The following TBC1D32 variants were observed in gnomAD, a reference collection of about 807,000 sequenced individuals.
TBC1D32 encodes the protein protein broad-minded.
A neutral mutation model predicts 170.3 loss-of-function variants in TBC1D32; 151 were observed. The observed-to-expected ratio is 0.89, with a 90% confidence interval of 0.78 to 1.01. The LOEUF (loss-of-function observed/expected upper bound fraction) is 1.01. Ranked by LOEUF, TBC1D32 falls within the 50% of genes least tolerant of loss-of-function variation. The pLI is 0.00. For synonymous variants in TBC1D32, 498 were observed against 488.0 expected (o/e 1.02, Z -0.27); for missense variants, 1,464 against 1,457.1 (o/e 1.00, Z -0.08).
chr6:121,112,267 T>C lies in TBC1D32; in HGVS notation c.3324+238A>G, dbSNP rs1487117706. 1.4e-5 allele frequency: 4 copies of C among 277,774 alleles called. No individual in the cohort carries two copies. The Admixed American group carries it at 2.1e-4, about 14-fold the overall frequency. 17.2% of individuals were successfully genotyped at this position (277,774 alleles called of 1,614,324 possible). A position where few individuals can be genotyped will look rare whatever the true frequency, so the allele number is the denominator to read the frequency against. On this transcript the variant is annotated intron_variant, in intron 29 of 31. Coordinates refer to ENST00000398212, the MANE Select transcript of TBC1D32 (RefSeq NM_152730.6). ...ATCATTTTAATTTCATTATCATGTT[T>C]CTACTTCATGAAAATGCTTCTAATA...
intron 22 of TBC1D32, among the ~76,000 whole-genome samples, chr6:121,168,589 C>T (rs1233966674): frequency 4.2e-5 from 5 of 118,374 alleles, no homozygotes; most frequent in African/African-American, 1.2e-4. Flanking sequence ...GGAGGGATAG[C>T]ATTGGGAGAT....
At chr6:121,178,488 T>C (rs1199504165) in intron 22 of TBC1D32, among the ~76,000 whole-genome samples, 3 of 152,174 alleles carry the variant, frequency 2.0e-5, no homozygotes, top group Admixed American at 2.0e-4. Flanking sequence ...TAAAAAGCTA[T>C]AGCAATAATT....
At chr6:121,109,298 C>G (rs1778988216) in intron 29 of TBC1D32, among the ~76,000 whole-genome samples, 1 of 152,176 alleles carries the variant, frequency 6.6e-6, no homozygotes, top group African/African-American at 2.4e-5. Flanking sequence ...GATTACCCTA[C>G]ATTATAACTA....
At chr6:121,182,780 C>T (rs978133334) in intron 22 of TBC1D32, among the ~76,000 whole-genome samples, 1 of 151,354 alleles carries the variant, frequency 6.6e-6, no homozygotes, top group Non-Finnish European at 1.5e-5. Flanking sequence ...TTTTTGTTGG[C>T]CCCAACCCAA....
At chr6:121,144,109 T>C (rs1228823779) in intron 24 of TBC1D32, among the ~76,000 whole-genome samples, 1 of 152,162 alleles carries the variant, frequency 6.6e-6, no homozygotes, top group African/African-American at 2.4e-5. Flanking sequence ...TTGGGAATAA[T>C]GTCTTATTCA....
intron 17 of TBC1D32, among the ~76,000 whole-genome samples, chr6:121,244,493 G>A (rs1458861045): frequency 6.6e-6 from 1 of 152,094 alleles, no homozygotes; most frequent in Non-Finnish European, 1.5e-5. Context: ...ACCTGCTGTG[G>A]GGGTGGTTTT....
intron 22 of TBC1D32, among the ~76,000 whole-genome samples, chr6:121,186,496 A>G (rs6903467): frequency 0.081 from 12,332 of 152,124 alleles, 830 homozygotes; most frequent in African/African-American, 0.18. Context: ...TTTGAATTAC[A>G]AGAGAAAACA....
rs185501564 is a variant in TBC1D32, at chr6:121,112,220, G to A, written c.3324+285C>T. Among the ~76,000 whole-genome samples, 64 of 152,092 alleles carry A rather than the reference G, an allele frequency of 4.2e-4. No individual in the cohort carries two copies. In the East Asian group the frequency reaches 0.012, roughly 28 times the overall value. ...CAAGTCAATAGTTCTCTTTTTAGGT[G>A]CAGAATTTAACTGATATAACTATCA... On this transcript the variant is annotated intron_variant, in intron 29 of 31. Coordinates refer to ENST00000398212, the MANE Select transcript of TBC1D32 (RefSeq NM_152730.6).
At chr6:121,182,125 G>A (rs1484296267) in intron 22 of TBC1D32, among the ~76,000 whole-genome samples, 1 of 151,892 alleles carries the variant, frequency 6.6e-6, no homozygotes, top group Non-Finnish European at 1.5e-5. Context: ...AACCAAAGAA[G>A]TAAACATCAT....
intron 31 of TBC1D32, among the ~76,000 whole-genome samples, chr6:121,085,298 T>C (rs1225334327): frequency 3.4e-5 from 5 of 145,468 alleles, no homozygotes; most frequent in South Asian, 2.1e-4. Flanking sequence ...CATATATACA[T>C]ACATATATAT....
intron 12 of TBC1D32, among the ~76,000 whole-genome samples, chr6:121,284,643 G>A (rs982430570): frequency 6.6e-6 from 1 of 152,098 alleles, no homozygotes; most frequent in Admixed American, 6.6e-5. Context: ...GAAATCACAT[G>A]TGAAACTTAA....
chr6:121,234,130 A>T (rs1796065358), intron 20 of TBC1D32, among the ~76,000 whole-genome samples: 1 of 152,148 alleles, frequency 6.6e-6, no homozygotes, highest in African/African-American at 2.4e-5. Context: ...CTTTTGCTTC[A>T]CAGCTCTTAA....
At chr6:121,129,913 A>G (rs1291276527) in intron 25 of TBC1D32, 1 of 451,694 alleles carries the variant, frequency 2.2e-6, no homozygotes, top group South Asian at 1.6e-5. Context: ...AAAAACCTAA[A>G]AATTGGGAGC....
chr6:121,090,842 A>G lies in TBC1D32; in HGVS notation c.3654+11T>C. 1 of 1,604,920 alleles carries G rather than the reference A, an allele frequency of 6.2e-7. No individual in the cohort carries two copies. Among genetic ancestry groups the G allele is most frequent in the Non-Finnish European group, 8.5e-7 (1 of 1,177,472 alleles). On this transcript the variant is annotated intron_variant, in intron 31 of 31. Transcript: ENST00000398212. ...AACTCAACATTTTCCTCTCCATATA[A>G]ACATACTTACTTTTAGGAAAACTTG...
chr6:121,295,555 G>C (rs1320870155), intron 10 of TBC1D32, among the ~76,000 whole-genome samples: 1 of 151,988 alleles, frequency 6.6e-6, no homozygotes, highest in African/African-American at 2.4e-5. Context: ...TTTCAGCTAA[G>C]AAGGATATGG....
chr6:121,315,247 GAATGGACTAAT>G (rs1367790795), intron 3 of TBC1D32, among the ~76,000 whole-genome samples: 30 of 152,158 alleles, frequency 2.0e-4, no homozygotes, highest in Admixed American at 2.0e-3. Context: ...TTTTTCTGTA[GAATGGACTAAT>G]AATACCTATA....
chr6:121,174,247 GA>G (rs1372561923), intron 22 of TBC1D32, among the ~76,000 whole-genome samples: 1 of 152,054 alleles, frequency 6.6e-6, no homozygotes, highest in Non-Finnish European at 1.5e-5. Context: ...ACAAAAATGT[GA>G]AAAATATAAT....
intron 27 of TBC1D32, among the ~76,000 whole-genome samples, chr6:121,114,451 T>C (rs1295143694): frequency 3.3e-5 from 5 of 152,146 alleles, no homozygotes; most frequent in Admixed American, 6.6e-5. Context: ...AAAATATTTG[T>C]ACAAAAAGCA....
intron 24 of TBC1D32, among the ~76,000 whole-genome samples, chr6:121,146,482 C>T (rs1783465365): frequency 6.6e-6 from 1 of 152,108 alleles, no homozygotes; most frequent in East Asian, 1.9e-4. Context: ...ATTTCTATAT[C>T]ATTGATAAAA....
Sources: gnomAD v4.1 joint callset for allele counts (sites outside exome capture counted in the v4.1 genomes callset) on GRCh38, gnomAD v4.1.1 for gene constraint, MANE v1.5 for transcripts, NCBI Gene and HGNC (gene_info 2026-07-23, HGNC 2026-07-21) for gene names.